The following DRG2 variants were observed in gnomAD, a reference collection of about 807,000 sequenced individuals.
DRG2 encodes the protein developmentally regulated GTP binding protein 2, also known as developmentally-regulated GTP-binding protein 2.
DRG2 carries 36 observed loss-of-function variants against 53.4 expected under a neutral mutation model. That is an observed-to-expected ratio of 0.67 (90% CI 0.52 to 0.89). The LOEUF is 0.89. Among genes scored for constraint, DRG2 ranks in the 40% least tolerant of loss-of-function variants. DRG2 has a pLI of 0.00. For synonymous variants in DRG2, 167 were observed against 192.1 expected (o/e 0.87, Z 1.08); for missense variants, 342 against 481.2 (o/e 0.71, Z 2.71).
chr17:18,103,835 G>A lies in DRG2; in HGVS notation c.841G>A (p.Glu281Lys), dbSNP rs867969225. ...GAAGCTGAACCTGGACTATCTGCTGGAGATGCTTTGGGAGTACTTGGCCCT... is the reference window on the plus strand; with the variant it reads ...GAAGCTGAACCTGGACTATCTGCTGAAGATGCTTTGGGAGTACTTGGCCCT... ...GMKLNLDYLL[E>K]MLWEYLALTC... The change falls in exon 10 of 13, where the codon GAG becomes AAG. Residue 281 changes from glutamate to lysine, a missense_variant. Transcript: ENST00000225729. The surrounding 1 kb of genome is among the most constrained non-coding windows in gnomAD (Gnocchi z 4.4). 7 of 1,614,038 alleles carry A rather than the reference G, an allele frequency of 4.3e-6. No homozygotes were observed. In the African/African-American group the frequency reaches 6.7e-5, roughly 15 times the overall value.
Position 18,099,969 on chromosome 17 carries a change from C to T in DRG2, c.467+246C>T. 1 of 594,494 alleles carries T rather than the reference C, an allele frequency of 1.7e-6. No individual in the cohort carries two copies. Among genetic ancestry groups the T allele is most frequent in the Non-Finnish European group, 3.0e-6 (1 of 334,434 alleles). 36.8% of individuals were successfully genotyped at this position (594,494 alleles called of 1,614,324 possible). A position where few individuals can be genotyped will look rare whatever the true frequency, so the allele number is the denominator to read the frequency against. On this transcript the variant is annotated intron_variant, in intron 5 of 12. Coordinates refer to ENST00000225729, the MANE Select transcript of DRG2 (RefSeq NM_001388.5). This position sits in a 1 kb window ranked among gnomAD's most constrained non-coding sequence, Gnocchi z 4.4. The stretch of plus-strand genomic sequence containing the variant: ...GCTTGGCCTGGCCCTGCTTCCTGTT[C>T]AGAGGCACAGGTGCCTCATCACTGC...
intron 1 of DRG2, among the ~76,000 whole-genome samples, chr17:18,088,563 G>C (rs138237917): frequency 1.3e-3 from 201 of 152,346 alleles, no homozygotes; most frequent in African/African-American, 4.7e-3. Context: ...GGTCCACCAC[G>C]TACCTTCTGT....
chr17:18,094,165 G>A, intron 2 of DRG2, 192 bp downstream of exon 2: 1 of 681,968 alleles, frequency 1.5e-6, no homozygotes, highest in Non-Finnish European at 2.3e-6. Context: ...GCCAGCAGAT[G>A]GAGCCCTACT....
Position 18,107,653 on chromosome 17 carries a change from C to T in DRG2, c.*413C>T, listed in dbSNP as rs1020371744. On this transcript the variant is annotated 3_prime_UTR_variant, in exon 13 of 13. Transcript: ENST00000225729. ...CTGTCATGGCACCTCACTCCCTCAG[C>T]TCTTGCCAGCTTCTCTGACACTTGG... The T allele has an allele frequency of 4.8e-5, 10 of 208,250 alleles. No individual in the cohort carries two copies. The highest frequency in any genetic ancestry group is 1.8e-4 in the African/African-American group (8 of 43,996). The allele number at this position is 208,250 out of a possible 1,614,324, so 12.9% of individuals were successfully genotyped here. A position where few individuals can be genotyped will look rare whatever the true frequency, so the allele number is the denominator to read the frequency against.
At chr17:18,104,399 G>T (rs2045591142) in intron 10 of DRG2, among the ~76,000 whole-genome samples, 1 of 152,218 alleles carries the variant, frequency 6.6e-6, no homozygotes, top group Admixed American at 6.5e-5. Context: ...GGCAGGCACT[G>T]TGAATCCTAG....
intron 9 of DRG2, among the ~76,000 whole-genome samples, chr17:18,102,490 G>A (rs1428068543): frequency 8.4e-5 from 3 of 35,668 alleles, no homozygotes; most frequent in East Asian, 4.2e-4. Context: ...GCGTGGTGGC[G>A]TGTGCCTATA....
intron 10 of DRG2, chr17:18,104,411 C>A: frequency 9.1e-7 from 1 of 1,103,516 alleles, no homozygotes; most frequent in Non-Finnish European, 1.3e-6. Flanking sequence ...GAATCCTAGA[C>A]GTGATTTATT....
rs924121438 is a variant in DRG2 at position 18,104,098 on chromosome 17, G to A, written c.895+209G>A. On this transcript the variant is annotated intron_variant, in intron 10 of 12. Transcript: ENST00000225729. The stretch of plus-strand genomic sequence containing the variant: ...GGCTACCTTGGGGTCCCCACTGGCT[G>A]TAGCAGTCAGTGCCCTCCTGACCTC... 5.3e-5 allele frequency among the ~76,000 whole-genome samples: 8 copies of A among 152,164 alleles called. No homozygotes were observed. In the South Asian group the frequency reaches 1.0e-3, roughly 20 times the overall value.
At position 18,099,558 on chromosome 17, in the gene DRG2, G is replaced by T; in HGVS notation, c.377-75G>T. On this transcript the variant is annotated intron_variant, in intron 4 of 12. Transcript: ENST00000225729. The surrounding 1 kb of genome is among the most constrained non-coding windows in gnomAD (Gnocchi z 4.4). ...GCTGTGGTAGGTCTGTAAAGGACAGGAGTCCAGGGCGCCGTGGGCTGGGTA... is the reference window on the plus strand; with the variant it reads ...GCTGTGGTAGGTCTGTAAAGGACAGTAGTCCAGGGCGCCGTGGGCTGGGTA... 3 of 1,466,634 alleles carry T rather than the reference G, an allele frequency of 2.0e-6. No individual in the cohort carries two copies. Among genetic ancestry groups the T allele is most frequent in the East Asian group, 2.5e-5 (1 of 40,724 alleles). 90.9% of individuals were successfully genotyped at this position (1,466,634 alleles called of 1,614,324 possible). A position where few individuals can be genotyped will look rare whatever the true frequency, so the allele number is the denominator to read the frequency against.
chr17:18,090,936 T>G (rs1239088799), intron 1 of DRG2, among the ~76,000 whole-genome samples: 1 of 152,222 alleles, frequency 6.6e-6, no homozygotes, highest in Non-Finnish European at 1.5e-5. Flanking sequence ...TTCCCCAAAG[T>G]GCTGGGATTA....
At chr17:18,095,466 C>T (rs922625736) in intron 2 of DRG2, 1 of 145,762 alleles carries the variant, frequency 6.9e-6, no homozygotes, top group African/African-American at 2.6e-5. Flanking sequence ...ACGATCTCAG[C>T]TCACTACAAC....
At chr17:18,090,368 TTATATA>T (rs1242491729) in intron 1 of DRG2, among the ~76,000 whole-genome samples, 181 of 25,478 alleles carry the variant, frequency 7.1e-3, no homozygotes, top group African/African-American at 0.016. Flanking sequence ...CCGGGCTAAT[TTATATA>T]TATATATATA....
At chr17:18,106,747 G>A in intron 12 of DRG2, among the ~76,000 whole-genome samples, 1 of 137,306 alleles carries the variant, frequency 7.3e-6, no homozygotes, top group Non-Finnish European at 1.5e-5. Flanking sequence ...CTGGAGTGCA[G>A]TGGCACGATC....
At chr17:18,093,470 G>A (rs943067905) in intron 1 of DRG2, among the ~76,000 whole-genome samples, 6 of 151,976 alleles carry the variant, frequency 3.9e-5, no homozygotes, top group Non-Finnish European at 5.9e-5. Flanking sequence ...AGGCATGAAC[G>A]ACCATGCCCA....
rs2045671209 is a variant in DRG2 at position 18,107,830 on chromosome 17, C to T, written c.*590C>T. On this transcript the variant is annotated 3_prime_UTR_variant, in exon 13 of 13. Transcript: ENST00000225729. ...GTGCCTCCCCCTGTATTCCCCCTCC[C>T]AGGGCAGCCCCTGCCCAGCACAAAA... The T allele has an allele frequency of 6.5e-6, 1 of 153,968 alleles. No individual in the cohort carries two copies. Among genetic ancestry groups the T allele is most frequent in the Admixed American group, 6.4e-5 (1 of 15,734 alleles). The allele number at this position is 153,968 out of a possible 1,614,324, so 9.5% of individuals were successfully genotyped here.
intron 1 of DRG2, among the ~76,000 whole-genome samples, chr17:18,090,685 C>T (rs2045319211): frequency 6.6e-6 from 1 of 151,768 alleles, no homozygotes; most frequent in Non-Finnish European, 1.5e-5. Flanking sequence ...CAGGCGTGAG[C>T]CACCCCACCC....
At position 18,100,807 on chromosome 17, in the gene DRG2, A is replaced by G; in HGVS notation, c.631+148A>G. On this transcript the variant is annotated intron_variant, in intron 7 of 12. Transcript: ENST00000225729. This position sits in a 1 kb window ranked among gnomAD's most constrained non-coding sequence, Gnocchi z 4.1. ...TGTCCATTCAAGTAGCCTCTGGGCA[A>G]GCTCCAGACTGCCAGGTCTGCAGCC... is the stretch of plus-strand genomic sequence containing the variant. 1 of 767,292 alleles carries G rather than the reference A, an allele frequency of 1.3e-6. No homozygotes were observed. Among genetic ancestry groups the G allele is most frequent in the Non-Finnish European group, 2.2e-6 (1 of 463,348 alleles). The allele number at this position is 767,292 out of a possible 1,614,324, so 47.5% of individuals were successfully genotyped here.
chr17:18,100,488 A>C lies in DRG2; in HGVS notation c.540+53A>C. 1 of 1,613,600 alleles carries C rather than the reference A, an allele frequency of 6.2e-7. No homozygotes were observed. Among genetic ancestry groups the C allele is most frequent in the Non-Finnish European group, 8.5e-7 (1 of 1,179,480 alleles). On this transcript the variant is annotated intron_variant, in intron 6 of 12. Transcript: ENST00000225729. The surrounding 1 kb of genome is among the most constrained non-coding windows in gnomAD (Gnocchi z 4.1). ...AGGGGTGTGGCAGTTTTGAGACTGC[A>C]TTGGCTGGCGGCTGAGGCTGTGGGA...
chr17:18,094,529 G>A (rs2045392609), intron 2 of DRG2, among the ~76,000 whole-genome samples: 1 of 152,184 alleles, frequency 6.6e-6, no homozygotes, highest in African/African-American at 2.4e-5. Flanking sequence ...AGTGAGCACA[G>A]GCCCTTAGGC....
Sources: allele counts gnomAD v4.1 joint callset (sites outside exome capture counted in the v4.1 genomes callset), GRCh38; gene constraint gnomAD v4.1.1; non-coding constraint Gnocchi (gnomAD v3.1); transcripts MANE v1.5; gene names NCBI Gene and HGNC (gene_info 2026-07-23, HGNC 2026-07-21).